The following RBM25 variants were observed in gnomAD, a reference collection of about 807,000 sequenced individuals.
The protein encoded by RBM25 is RNA binding motif protein 25.
Under a neutral mutation model 120.7 loss-of-function variants are expected in RBM25, and 19 were observed. The observed-to-expected ratio is 0.16, with a 90% CI of 0.11 to 0.23. The LOEUF (loss-of-function observed/expected upper bound fraction) is 0.23. Among genes scored for constraint, RBM25 ranks in the 10% least tolerant of loss-of-function variants. RBM25 has a pLI of 1.00. For synonymous variants in RBM25, 390 were observed against 326.7 expected (o/e 1.19, Z -2.09); for missense variants, 605 against 1,041.5 (o/e 0.58, Z 5.77).
chr14:73,108,466 A>T (rs926904061), intron 13 of RBM25, among the ~76,000 whole-genome samples: 1 of 152,168 alleles, frequency 6.6e-6, no homozygotes, highest in Non-Finnish European at 1.5e-5. Flanking sequence ...CTCCAAATTG[A>T]TACATTATTG....
chr14:73,067,832 CT>C (rs1346596810), intron 1 of RBM25, among the ~76,000 whole-genome samples: 1 of 151,850 alleles, frequency 6.6e-6, no homozygotes, highest in Non-Finnish European at 1.5e-5. Context: ...ATGTCCTGAC[CT>C]CGTGATCCAC....
chr14:73,068,009 A>G (rs1045122367), intron 1 of RBM25: 1 of 307,376 alleles, frequency 3.3e-6, no homozygotes, highest in Non-Finnish European at 6.2e-6. Context: ...GTTGACTGCC[A>G]GTTTCTTAAG....
At chr14:73,113,390 G>A (rs1896356039) in intron 17 of RBM25, among the ~76,000 whole-genome samples, 1 of 150,994 alleles carries the variant, frequency 6.6e-6, no homozygotes, top group African/African-American at 2.4e-5. Flanking sequence ...ACCAGCCGAA[G>A]ATAAAGTTCT....
At chr14:73,119,336 G>A (rs932889836) in intron 18 of RBM25, among the ~76,000 whole-genome samples, 3 of 151,912 alleles carry the variant, frequency 2.0e-5, no homozygotes, top group South Asian at 2.1e-4. Flanking sequence ...GCAGTGGCGC[G>A]ATCTTGGCAA....
chr14:73,070,202 C>T (rs1895249713), intron 1 of RBM25, among the ~76,000 whole-genome samples: 1 of 151,816 alleles, frequency 6.6e-6, no homozygotes. Context: ...CGCACACCAC[C>T]ATACCCTGCT....
chr14:73,106,311 A>C, intron 12 of RBM25, 26 bp downstream of exon 12: 1 of 1,539,276 alleles, frequency 6.5e-7, no homozygotes, highest in Non-Finnish European at 8.7e-7. Flanking sequence ...AAAATAAGTG[A>C]TTTTTCAGGT....
In RBM25 at chr14:73,061,390, A is replaced by G. The variant is rs187393919; in HGVS notation, c.-16+2685A>G. ...TTTTAAAATGGCAGCTATATGAACT[A>G]TATTGACATAGAAAATTCACCTGTA... On this transcript the variant is annotated intron_variant, in intron 1 of 18. Transcript: ENST00000261973. Among the ~76,000 whole-genome samples, 379 of 151,310 alleles carry G rather than the reference A, an allele frequency of 2.5e-3. 17 individuals are homozygous for G. Among genetic ancestry groups the G allele is most frequent in the Non-Finnish European group, 4.6e-3 (309 of 67,482 alleles).
chr14:73,078,408 T>C (rs548382537), intron 4 of RBM25, among the ~76,000 whole-genome samples: 41 of 152,302 alleles, frequency 2.7e-4, no homozygotes, highest in African/African-American at 9.4e-4. Flanking sequence ...GGAGAATTGC[T>C]TGAGTCTAGG....
Position 73,119,964 on chromosome 14 carries a change from G to A in RBM25, c.*159G>A, listed in dbSNP as rs1300652052. 1.9e-6 allele frequency: 2 copies of A among 1,075,610 alleles called. No homozygotes were observed. 66.6% of individuals were successfully genotyped at this position (1,075,610 alleles called of 1,614,324 possible). On this transcript the variant is annotated 3_prime_UTR_variant, in exon 19 of 19. Coordinates refer to ENST00000261973, the MANE Select transcript of RBM25 (RefSeq NM_021239.3). ...GTCCTCTAATTTGTTGTTGCCCTGTGTACTCCCTTGGTTGTAAAGTCATCT... is the reference window on the plus strand; with the variant it reads ...GTCCTCTAATTTGTTGTTGCCCTGTATACTCCCTTGGTTGTAAAGTCATCT...
At chr14:73,080,840 T>C (rs1334661021) in intron 4 of RBM25, among the ~76,000 whole-genome samples, 7 of 130,562 alleles carry the variant, frequency 5.4e-5, no homozygotes, top group African/African-American at 2.4e-4. Context: ...TTTTTTTTTA[T>C]TTGAGATGGA....
At chr14:73,119,390 C>G (rs144397833) in intron 18 of RBM25, among the ~76,000 whole-genome samples, 1 of 152,212 alleles carries the variant, frequency 6.6e-6, no homozygotes, top group East Asian at 1.9e-4. Flanking sequence ...CTCAGCCTCC[C>G]CAGCAGCTGG....
chr14:73,077,766 A>G (rs1360695706), intron 4 of RBM25, among the ~76,000 whole-genome samples: 1 of 152,184 alleles, frequency 6.6e-6, no homozygotes, highest in Non-Finnish European at 1.5e-5. Context: ...TTTCTTGGAT[A>G]ATTTGAAAGT....
chr14:73,102,904 T>C (rs1366940119), intron 9 of RBM25: 1 of 322,422 alleles, frequency 3.1e-6, no homozygotes, highest in Non-Finnish European at 5.6e-6. Context: ...ACATTCTTCA[T>C]GGTCATTTTA....
chr14:73,109,372 T>C lies in RBM25; in HGVS notation c.1572T>C (p.Asp524=). 1 of 1,613,782 alleles carries C rather than the reference T, an allele frequency of 6.2e-7. No individual in the cohort carries two copies. Among genetic ancestry groups the C allele is most frequent in the African/African-American group, 1.3e-5 (1 of 74,984 alleles). The change falls in exon 14 of 19, where the codon GAT becomes GAC. Residue 524 remains aspartate (D), a synonymous_variant. Transcript: ENST00000261973. ...RGSALQKRLR[D]REKEMEADER... ...GTGCTCTTCAGAAAAGGTTGCGTGA[T>C]AGAGAAAAGGAAATGGAAGCAGATG...
chr14:73,062,947 A>T (rs1895039702), intron 1 of RBM25, among the ~76,000 whole-genome samples: 1 of 150,520 alleles, frequency 6.6e-6, no homozygotes, highest in African/African-American at 2.4e-5. Context: ...CAGCCTCCTG[A>T]GTATCTGGGA....
chr14:73,067,554 G>T (rs1407535913), intron 1 of RBM25, among the ~76,000 whole-genome samples: 1 of 149,866 alleles, frequency 6.7e-6, no homozygotes, highest in East Asian at 1.9e-4. Flanking sequence ...ACAGGCATGT[G>T]CCACCACGCC....
chr14:73,079,390 T>C (rs1895504513), intron 4 of RBM25, among the ~76,000 whole-genome samples: 2 of 150,722 alleles, frequency 1.3e-5, no homozygotes, highest in South Asian at 4.2e-4. Flanking sequence ...GCCACTGCAC[T>C]CCAGCCTGGG....
intron 18 of RBM25, 33 bp from the exon 19 acceptor site, chr14:73,119,680 C>T (rs1001237806): frequency 1.2e-6 from 2 of 1,608,432 alleles, no homozygotes; most frequent in Non-Finnish European, 1.7e-6. Flanking sequence ...GATTGCTTCT[C>T]TTACATGTGT....
At chr14:73,117,294 C>T (rs1191770306) in intron 18 of RBM25, among the ~76,000 whole-genome samples, 10 of 126,624 alleles carry the variant, frequency 7.9e-5, no homozygotes, top group South Asian at 5.3e-4. Flanking sequence ...GACAGTGGCG[C>T]GATCTTGGCT....
Sources: allele counts gnomAD v4.1 joint callset (sites outside exome capture counted in the v4.1 genomes callset), GRCh38; gene constraint gnomAD v4.1.1; transcripts MANE v1.5; gene names NCBI Gene and HGNC (gene_info 2026-07-23, HGNC 2026-07-21).